Variants in HDAC9 observed in about 807,000 individuals in gnomAD.
The protein encoded by HDAC9 is MEF-2 interacting transcription repressor (MITR) protein.
A neutral mutation model predicts 139.4 loss-of-function variants in HDAC9; 41 were observed. That is an observed-to-expected ratio of 0.29 (90% confidence interval 0.23 to 0.38). The LOEUF is 0.38. Among genes scored for constraint, HDAC9 ranks in the 10% least tolerant of loss-of-function variants. The pLI, the probability that HDAC9 is intolerant of heterozygous loss-of-function variation, is 1.00. For missense variants in HDAC9, 1,147 were observed against 1,297.0 expected (o/e 0.88, Z 1.78); for synonymous variants, 517 against 476.2 (o/e 1.09, Z -1.12).
Position 18,208,085 on chromosome 7 carries a change from A to C in HDAC9, c.25+45736A>C, listed in dbSNP as rs1791668406. Among the ~76,000 whole-genome samples, 4 of 152,130 alleles carry C rather than the reference A, an allele frequency of 2.6e-5. No individual in the cohort carries two copies. In the South Asian group the frequency reaches 8.3e-4, roughly 32 times the overall value. On this transcript the variant is annotated intron_variant, in intron 2 of 12. Transcript: ENST00000417496. ...AGTGGCACAGCTATGTGGATCTCTA[A>C]TTTCTAAAATAAATTTCTCATACGT... is the stretch of plus-strand genomic sequence containing the variant.
rs551808990 is a variant in HDAC9, at chr7:18,348,048, G to T, written c.-42+57533G>T. ...TGAAAGACGGATCATGCAGTAACTA[G>T]CAACTGTTTCTCAAAATTCCCTCAT... is the stretch of plus-strand genomic sequence containing the variant. On this transcript the variant is annotated intron_variant, in intron 1 of 3. Coordinates refer to the HDAC9 transcript ENST00000413509. 2.6e-5 allele frequency among the ~76,000 whole-genome samples: 4 copies of T among 152,240 alleles called. No homozygotes were observed. The East Asian group carries it at 7.7e-4, about 29-fold the overall frequency.
rs774329425 is a variant in HDAC9 at position 18,634,666 on chromosome 7, G to C, written c.836G>C (p.Ser279Thr). The change falls in exon 8 of 26, where the codon AGT (serine) becomes ACT (threonine). Residue 279 changes from serine to threonine, a missense_variant. Ser to Thr is a moderately conservative substitution (Grantham distance 58). Transcript: ENST00000686413. ...VSSSSPGSGP[S>T]SPNNGPTGSV... Reference sequence around the variant, plus strand: ...AGCAGTTCTCCAGGCTCTGGTCCCAGTTCACCAAACAATGGGCCAACTGGA... The same window carrying C: ...AGCAGTTCTCCAGGCTCTGGTCCCACTTCACCAAACAATGGGCCAACTGGA... 8.8e-6 allele frequency: 14 copies of C among 1,593,308 alleles called. No individual in the cohort carries two copies. Among genetic ancestry groups the C allele is most frequent in the Non-Finnish European group, 1.2e-5 (14 of 1,168,758 alleles).
upstream of HDAC9, among the ~76,000 whole-genome samples, chr7:18,492,744 G>C (rs1796463539): frequency 6.6e-6 from 1 of 151,824 alleles, no homozygotes; most frequent in Non-Finnish European, 1.5e-5. Flanking sequence ...TACCCCAAAA[G>C]AAACTGAGTC....
intron 21 of HDAC9, among the ~76,000 whole-genome samples, chr7:18,867,787 C>T (rs1002734357): frequency 6.6e-6 from 1 of 152,104 alleles, no homozygotes; most frequent in African/African-American, 2.4e-5. Context: ...CTCTCAGGGA[C>T]TCCTATTATT....
chr7:18,493,447 A>G (rs192330104), upstream of HDAC9, among the ~76,000 whole-genome samples: 486 of 152,058 alleles, frequency 3.2e-3, no homozygotes, highest in African/African-American at 0.011. Flanking sequence ...CTAGACCTAT[A>G]TGGTTAGTTA....
chr7:18,935,285 A>T (rs974823563), intron 22 of HDAC9, among the ~76,000 whole-genome samples: 31 of 152,176 alleles, frequency 2.0e-4, no homozygotes, highest in African/African-American at 6.8e-4. Context: ...GCATTTATCA[A>T]ATGTTTCATA....
At chr7:18,932,163 A>C (rs1804802911) in intron 22 of HDAC9, among the ~76,000 whole-genome samples, 1 of 152,154 alleles carries the variant, frequency 6.6e-6, no homozygotes, top group Non-Finnish European at 1.5e-5. Context: ...AATTATGAAA[A>C]ATTCAATTGA....
intron 13 of HDAC9, among the ~76,000 whole-genome samples, chr7:18,732,610 T>C (rs1003854174): frequency 2.1e-5 from 3 of 141,562 alleles, no homozygotes; most frequent in Admixed American, 6.8e-5. Flanking sequence ...TGTGTGCATA[T>C]GTGTATATAC....
chr7:18,234,502 C>A (rs1323909889), intron 2 of HDAC9, among the ~76,000 whole-genome samples: 1 of 152,140 alleles, frequency 6.6e-6, no homozygotes, highest in East Asian at 1.9e-4. Context: ...AAGCAGCTAA[C>A]CTTTATTTAG....
chr7:18,722,313 G>A (rs1056724999), intron 12 of HDAC9, among the ~76,000 whole-genome samples: 22 of 152,178 alleles, frequency 1.4e-4, no homozygotes, highest in African/African-American at 5.1e-4. Context: ...TTTGTGGAGA[G>A]CATGTTAACT....
chr7:18,464,994 C>T (rs1194465552), intron 1 of HDAC9, among the ~76,000 whole-genome samples: 1 of 151,784 alleles, frequency 6.6e-6, no homozygotes, highest in Non-Finnish European at 1.5e-5. Flanking sequence ...TTAATACTTT[C>T]TTGTATGTTT....
chr7:18,848,595 C>A, intron 21 of HDAC9, among the ~76,000 whole-genome samples: 1 of 152,038 alleles, frequency 6.6e-6, no homozygotes, highest in South Asian at 2.1e-4. Context: ...TCCTGGCACA[C>A]TGACCTCAAA....
intron 6 of HDAC9, 30 bp from the exon 7 acceptor site, chr7:18,629,320 C>CTT: frequency 7.0e-7 from 1 of 1,434,684 alleles, no homozygotes. Flanking sequence ...TAATTTTTAT[C>CTT]TATTTTTTTT....
intron 8 of HDAC9, among the ~76,000 whole-genome samples, chr7:18,636,366 A>G (rs1783889752): frequency 1.3e-5 from 2 of 152,038 alleles, no homozygotes; most frequent in African/African-American, 4.8e-5. Flanking sequence ...CGTAACCACA[A>G]GCTAGTCCTT....
At chr7:18,977,429 T>C (rs984638239) in intron 25 of HDAC9, among the ~76,000 whole-genome samples, 22 of 152,222 alleles carry the variant, frequency 1.4e-4, no homozygotes, top group African/African-American at 4.6e-4. Flanking sequence ...AAATGAATTG[T>C]AAATATTTTT....
intron 2 of HDAC9, among the ~76,000 whole-genome samples, chr7:18,271,613 A>AT (rs898591221): frequency 1.3e-5 from 2 of 151,938 alleles, no homozygotes; most frequent in African/African-American, 4.8e-5. Flanking sequence ...CATGAAGCAC[A>AT]TTTTTTTTCA....
At chr7:18,416,768 C>T (rs1029597899) in intron 1 of HDAC9, among the ~76,000 whole-genome samples, 10 of 151,744 alleles carry the variant, frequency 6.6e-5, no homozygotes, top group African/African-American at 2.4e-4. Flanking sequence ...TCCTTTTTTG[C>T]CAGTATTTTA....
In HDAC9 at chr7:18,397,107, A is replaced by G. The variant is rs918074085; in HGVS notation, c.-41-99155A>G. Among the ~76,000 whole-genome samples, 5 of 152,104 alleles carry G rather than the reference A, an allele frequency of 3.3e-5. No individual in the cohort carries two copies. The East Asian group carries it at 7.7e-4, about 23-fold the overall frequency. Reference sequence around the variant, plus strand: ...AGAGAATAGATTTAGGGTGCATGAGAATAGGTGATTAAGGGATATAATGGA... The same window carrying G: ...AGAGAATAGATTTAGGGTGCATGAGGATAGGTGATTAAGGGATATAATGGA... On this transcript the variant is annotated intron_variant, in intron 1 of 3. Transcript: ENST00000413509.
chr7:18,398,172 A>G (rs1486676875), intron 1 of HDAC9, among the ~76,000 whole-genome samples: 3 of 152,184 alleles, frequency 2.0e-5, no homozygotes, highest in Non-Finnish European at 4.4e-5. Context: ...ATTTTCCACA[A>G]CTGCTTCAAA....
Sources: gnomAD v4.1 joint callset for allele counts (sites outside exome capture counted in the v4.1 genomes callset) on GRCh38, gnomAD v4.1.1 for gene constraint, MANE v1.5 for transcripts, NCBI Gene and HGNC (gene_info 2026-07-23, HGNC 2026-07-21) for gene names.